RORA: variants seen among roughly 807,000 people sequenced by gnomAD.
The protein encoded by RORA is RAR related orphan receptor A.
RORA carries 7 observed loss-of-function variants against 69.5 expected under a neutral mutation model. That is an observed-to-expected ratio of 0.10 (90% CI 0.06 to 0.19). RORA has a LOEUF of 0.19. RORA is among the 10% of genes least tolerant of loss of function. The pLI is 1.00. For synonymous variants in RORA, 261 were observed against 240.8 expected (o/e 1.08, Z -0.78); for missense variants, 457 against 663.0 (o/e 0.69, Z 3.41).
chr15:60,877,577 TA>T (rs149131552), intron 1 of RORA, among the ~76,000 whole-genome samples: 2,505 of 152,292 alleles, frequency 0.016, 62 homozygotes, highest in African/African-American at 0.057. Context: ...AGGTAGATGT[TA>T]TCACTCTCAT....
chr15:61,067,838 G>A (rs1025253948), intron 1 of RORA, among the ~76,000 whole-genome samples: 5 of 152,174 alleles, frequency 3.3e-5, no homozygotes, highest in African/African-American at 9.7e-5. Context: ...TACTAAATGC[G>A]TTTGCCCTTC....
At chr15:61,075,539 G>C (rs1413639284) in intron 1 of RORA, among the ~76,000 whole-genome samples, 1 of 152,220 alleles carries the variant, frequency 6.6e-6, no homozygotes, top group Non-Finnish European at 1.5e-5. Context: ...GAGTGGAGAA[G>C]TAAGGGTTTG....
chr15:60,993,475 C>G (rs1440590638), intron 1 of RORA, among the ~76,000 whole-genome samples: 1 of 151,926 alleles, frequency 6.6e-6, no homozygotes, highest in Non-Finnish European at 1.5e-5. Context: ...CCCATCTCTA[C>G]TAAGAATACA....
At chr15:60,564,506 A>T (rs373778580) in intron 2 of RORA, among the ~76,000 whole-genome samples, 21 of 152,260 alleles carry the variant, frequency 1.4e-4, no homozygotes, top group African/African-American at 5.1e-4. Flanking sequence ...AACTTCACTT[A>T]TGAGAGAGCT....
intron 1 of RORA, among the ~76,000 whole-genome samples, chr15:60,885,701 C>G (rs1381416780): frequency 6.6e-6 from 1 of 152,182 alleles, no homozygotes; most frequent in Non-Finnish European, 1.5e-5. Context: ...GAATGCAGTA[C>G]AATGCAAATG....
At chr15:60,606,968 T>C (rs912719495) in intron 2 of RORA, among the ~76,000 whole-genome samples, 1 of 152,206 alleles carries the variant, frequency 6.6e-6, no homozygotes, top group African/African-American at 2.4e-5. Flanking sequence ...CCTTTGATAT[T>C]TACTCCGAGG....
At chr15:61,078,190 G>T (rs921715104) in intron 1 of RORA, among the ~76,000 whole-genome samples, 1 of 152,054 alleles carries the variant, frequency 6.6e-6, no homozygotes, top group Non-Finnish European at 1.5e-5. Flanking sequence ...ATTTTAAGAC[G>T]GAGTCTCGCT....
At chr15:60,988,567 TTGACCA>T (rs1595863763) in intron 1 of RORA, among the ~76,000 whole-genome samples, 2 of 152,184 alleles carry the variant, frequency 1.3e-5, no homozygotes, top group African/African-American at 4.8e-5. Flanking sequence ...AAACAGCCCA[TTGACCA>T]TGGCAAATCC....
intron 1 of RORA, among the ~76,000 whole-genome samples, chr15:60,718,153 T>C (rs1214396175): frequency 1.3e-5 from 2 of 152,222 alleles, no homozygotes; most frequent in East Asian, 3.8e-4. Context: ...TATGGTACAG[T>C]TGGCATAATA....
chr15:61,117,178 C>CTTTTTTTTTT lies in RORA; in HGVS notation c.166+111865_166+111874dup, dbSNP rs35859710. Among the ~76,000 whole-genome samples, 3 of 138,402 alleles carry CTTTTTTTTTT rather than the reference C, an allele frequency of 2.2e-5. 1 individual carries two copies. Among genetic ancestry groups the CTTTTTTTTTT allele is most frequent in the Non-Finnish European group, 3.1e-5 (2 of 64,022 alleles). 90.8% of individuals were successfully genotyped at this position (138,402 alleles called of 152,430 possible). On this transcript the variant is annotated intron_variant, in intron 1 of 10. Coordinates refer to ENST00000335670, the MANE Select transcript of RORA (RefSeq NM_134261.3). ...AAAAGCAGCTGGATGTTAAAAGTTA[C>CTTTTTTTTTT]TTTTTTTTTTTTTTTTAACATAAAC...
At chr15:61,186,126 C>T (rs766048871) in intron 1 of RORA, among the ~76,000 whole-genome samples, 35 of 152,206 alleles carry the variant, frequency 2.3e-4, no homozygotes, top group Non-Finnish European at 4.4e-4. Context: ...TTGAATTTAA[C>T]TATTTAACTG....
At chr15:60,707,642 C>T (rs1445307905) in intron 1 of RORA, among the ~76,000 whole-genome samples, 1 of 152,136 alleles carries the variant, frequency 6.6e-6, no homozygotes, top group African/African-American at 2.4e-5. Flanking sequence ...GGATTACAGG[C>T]GTGAGCCACC....
chr15:60,657,086 C>T (rs1392881684), intron 2 of RORA, among the ~76,000 whole-genome samples: 1 of 152,088 alleles, frequency 6.6e-6, no homozygotes, highest in Non-Finnish European at 1.5e-5. Context: ...CACACAGCAC[C>T]GTGAATATTA....
At chr15:61,219,452 A>G (rs1205324305) in intron 1 of RORA, among the ~76,000 whole-genome samples, 2 of 152,118 alleles carry the variant, frequency 1.3e-5, no homozygotes, top group African/African-American at 4.8e-5. Flanking sequence ...GCTGGCGCCT[A>G]TTGTTCCAGC....
chr15:60,588,960 C>T (rs1310789252), intron 2 of RORA, among the ~76,000 whole-genome samples: 1 of 152,182 alleles, frequency 6.6e-6, no homozygotes, highest in Non-Finnish European at 1.5e-5. Context: ...CAGGCTTCTC[C>T]CTCCTCCCAT....
chr15:61,079,039 C>A (rs1297037154), intron 1 of RORA, among the ~76,000 whole-genome samples: 1 of 152,142 alleles, frequency 6.6e-6, no homozygotes, highest in African/African-American at 2.4e-5. Context: ...ACTAAGTCCA[C>A]ATGCCTCCCA....
At chr15:60,792,078 T>G (rs572028099) in intron 1 of RORA, among the ~76,000 whole-genome samples, 2 of 152,102 alleles carry the variant, frequency 1.3e-5, no homozygotes, top group African/African-American at 4.8e-5. Flanking sequence ...TGAACAGATA[T>G]GGGACTTCAG....
At chr15:60,906,364 T>C (rs1214859246) in intron 1 of RORA, among the ~76,000 whole-genome samples, 1 of 152,144 alleles carries the variant, frequency 6.6e-6, no homozygotes, top group African/African-American at 2.4e-5. Context: ...CATCTCTCTA[T>C]TCAAATGTAA....
intron 2 of RORA, among the ~76,000 whole-genome samples, chr15:60,616,177 T>C (rs922271450): frequency 2.0e-5 from 3 of 152,170 alleles, no homozygotes; most frequent in African/African-American, 4.8e-5. Context: ...GTATTTGTGG[T>C]TTGGGGATCA....
Sources: allele counts gnomAD v4.1 joint callset (sites outside exome capture counted in the v4.1 genomes callset), GRCh38; gene constraint gnomAD v4.1.1; transcripts MANE v1.5; gene names NCBI Gene and HGNC (gene_info 2026-07-23, HGNC 2026-07-21).